The following ATP11C variants were observed in gnomAD, a reference collection of about 807,000 sequenced individuals.
ATP11C encodes the protein ATPase phospholipid transporting 11C (ATP11C blood group).
In ATP11C, 36 loss-of-function variants were observed where a neutral mutation model predicts 97.4. The observed-to-expected ratio is 0.37, with a 90% confidence interval of 0.28 to 0.49. ATP11C has a LOEUF of 0.49. Ranked by LOEUF, ATP11C falls within the 20% of genes least tolerant of loss-of-function variation. The pLI is 0.98. For synonymous variants in ATP11C, 275 were observed against 290.9 expected (o/e 0.95, Z 0.56); for missense variants, 730 against 824.6 (o/e 0.89, Z 1.40).
Position 139,750,085 on chromosome X carries a change from T to C in ATP11C, c.2768A>G (p.Tyr923Cys), listed in dbSNP as rs1336286564. 4.2e-6 allele frequency: 5 copies of C among 1,203,148 alleles called. No homozygotes were observed. Among genetic ancestry groups the C allele is most frequent in the Non-Finnish European group, 3.4e-6 (3 of 888,633 alleles). ...GTTGATGTGCTGTTCCAGTAGACTATAGGCCAGGATGGGCAAGGATGTGAA... is the reference window on the plus strand; with the variant it reads ...GTTGATGTGCTGTTCCAGTAGACTACAGGCCAGGATGGGCAAGGATGTGAA... ...ICFTSLPILAYSLLEQHINID... is the reference protein window; with the variant it reads ...ICFTSLPILACSLLEQHINID... The change falls in exon 24 of 30, where the codon TAT (tyrosine) becomes TGT (cysteine). Residue 923 changes from tyrosine (Y) to cysteine (C), a missense_variant. Transcript: ENST00000682941.
At chrX:139,892,152 C>T (rs1414757624) in intron 1 of ATP11C, among the ~76,000 whole-genome samples, 2 of 111,345 alleles carry the variant, frequency 1.8e-5, no homozygotes, top group African/African-American at 6.5e-5. Context: ...CTACTGCACC[C>T]GGCCTAGTAA....
intron 1 of ATP11C, among the ~76,000 whole-genome samples, chrX:139,883,618 G>A (rs1367065402): frequency 9.0e-6 from 1 of 111,193 alleles, no homozygotes; most frequent in African/African-American, 3.3e-5. Flanking sequence ...GTCCAATGAT[G>A]ATCTTTGGGA....
intron 18 of ATP11C, among the ~76,000 whole-genome samples, chrX:139,775,916 T>G: frequency 8.9e-6 from 1 of 112,523 alleles, no homozygotes; most frequent in Non-Finnish European, 1.9e-5. Flanking sequence ...TCCCTGCAAA[T>G]ATACTCCAAC....
At chrX:139,848,186 T>C (rs927094219) in intron 1 of ATP11C, among the ~76,000 whole-genome samples, 1 of 111,779 alleles carries the variant, frequency 8.9e-6, no homozygotes, top group African/African-American at 3.3e-5. Flanking sequence ...TTATTGCCCA[T>C]TGGCTGAAGA....
rs191712908 is a variant in ATP11C, at chrX:139,749,288, A to T, written c.2828+737T>A. ...GTAAATTTTATGAGTCATGCTGGTT[A>T]AAAAAAATCCCTTAAATTTGTGTAT... On this transcript the variant is annotated intron_variant, in intron 24 of 29. Coordinates refer to ENST00000682941, the MANE Select transcript of ATP11C (RefSeq NM_001353812.2). Among the ~76,000 whole-genome samples, 76 of 112,125 alleles carry T rather than the reference A, an allele frequency of 6.8e-4. 1 individual carries two copies. Among genetic ancestry groups the T allele is most frequent in the Non-Finnish European group, 1.3e-3 (68 of 53,133 alleles).
chrX:139,738,054 T>C lies in ATP11C; in HGVS notation c.3150A>G (p.Gln1050=), dbSNP rs781621410. The change falls in exon 28 of 30, where the codon CAA becomes CAG. Residue 1050 remains glutamine, a synonymous_variant. Coordinates refer to ENST00000682941, the MANE Select transcript of ATP11C (RefSeq NM_001353812.2). ...GGGCAAATACAAAATACATTCTCTG[T>C]TGCTTGAGAAAAGGCCTGCAGTGGA... The part of the protein sequence containing the change: ...WGGIIWPFLK[Q]QRMYFVFAQM... The C allele has an allele frequency of 2.5e-6, 3 of 1,197,705 alleles. No individual in the cohort carries two copies. Among genetic ancestry groups the C allele is most frequent in the Admixed American group, 4.5e-5 (2 of 44,229 alleles).
intron 1 of ATP11C, chrX:139,924,356 A>T: frequency 3.4e-6 from 1 of 292,668 alleles, no homozygotes; most frequent in Non-Finnish European, 7.2e-6. Flanking sequence ...AAAAGATGTG[A>T]TTGCTGGGAG....
chrX:139,727,682 C>A lies in ATP11C; in HGVS notation c.*1284G>T, dbSNP rs1411951355. The A allele has an allele frequency of 1.8e-5, 2 of 109,482 alleles. No individual in the cohort carries two copies. The highest frequency in any genetic ancestry group is 1.9e-5 in the Non-Finnish European group (1 of 52,249). The allele number at this position is 109,482 out of a possible 1,213,427, so 9.0% of individuals were successfully genotyped here. A position where few individuals can be genotyped will look rare whatever the true frequency, so the allele number is the denominator to read the frequency against. Reference sequence around the variant, plus strand: ...GAAAGACAAAAAAAAAACAAAAAAACTAGCAGTCAAATAAATATGGTCATT... The same window carrying A: ...GAAAGACAAAAAAAAAACAAAAAAAATAGCAGTCAAATAAATATGGTCATT... On this transcript the variant is annotated 3_prime_UTR_variant, in exon 30 of 30. Transcript: ENST00000682941.
chrX:139,811,311 T>C (rs1368754704), intron 5 of ATP11C, among the ~76,000 whole-genome samples: 3 of 111,242 alleles, frequency 2.7e-5, no homozygotes, highest in Non-Finnish European at 3.8e-5. Context: ...GACACCCAAA[T>C]TTCAACTTCT....
chrX:139,853,923 A>G (rs1014615898), intron 1 of ATP11C, among the ~76,000 whole-genome samples: 1 of 109,579 alleles, frequency 9.1e-6, no homozygotes, highest in African/African-American at 3.3e-5. Flanking sequence ...AGATGATTTA[A>G]CATTAACGAC....
At chrX:139,799,785 T>C (rs1348330360) in intron 8 of ATP11C, among the ~76,000 whole-genome samples, 1 of 107,179 alleles carries the variant, frequency 9.3e-6, no homozygotes, top group Non-Finnish European at 1.9e-5. Flanking sequence ...CCTGAGTAGT[T>C]GGGATTACAG....
At chrX:139,799,613 C>G (rs914384318) in intron 8 of ATP11C, among the ~76,000 whole-genome samples, 10 of 106,001 alleles carry the variant, frequency 9.4e-5, no homozygotes, top group Non-Finnish European at 1.9e-4. Flanking sequence ...CTACCAATCA[C>G]AAGGTTAGTT....
chrX:139,790,581 AGAAACT>A (rs1379681303), intron 12 of ATP11C, among the ~76,000 whole-genome samples: 2 of 111,396 alleles, frequency 1.8e-5, no homozygotes, highest in African/African-American at 6.5e-5. Context: ...AAAATAAAAC[AGAAACT>A]GATGAAGGTT....
chrX:139,844,831 T>C (rs984316881), intron 1 of ATP11C, among the ~76,000 whole-genome samples: 1 of 111,880 alleles, frequency 8.9e-6, no homozygotes, highest in Non-Finnish European at 1.9e-5. Context: ...CAGTTCCCCC[T>C]CTCTGAGTCT....
chrX:139,869,795 AAATAATAATAAT>A (rs35904908), intron 1 of ATP11C, among the ~76,000 whole-genome samples: 6 of 92,347 alleles, frequency 6.5e-5, no homozygotes, highest in Non-Finnish European at 2.1e-5. Context: ...CTCTGTCTCA[AAATAATAATAAT>A]AATAATAATA....
chrX:139,864,375 T>G (rs1569482220), intron 1 of ATP11C, among the ~76,000 whole-genome samples: 1 of 112,169 alleles, frequency 8.9e-6, no homozygotes, highest in Non-Finnish European at 1.9e-5. Flanking sequence ...AGCAAAAACC[T>G]GACAATAAGA....
intron 2 of ATP11C, among the ~76,000 whole-genome samples, chrX:139,820,803 A>T (rs1194139651): frequency 9.0e-6 from 1 of 111,507 alleles, no homozygotes; most frequent in East Asian, 2.8e-4. Context: ...AAATCATTGA[A>T]TTTTTCAGAT....
At chrX:139,865,088 T>C (rs754906778) in intron 1 of ATP11C, among the ~76,000 whole-genome samples, 4 of 112,309 alleles carry the variant, frequency 3.6e-5, no homozygotes, top group Non-Finnish European at 7.5e-5. Context: ...TTGTCTAAAA[T>C]GTTTAAGGCC....
intron 20 of ATP11C, among the ~76,000 whole-genome samples, chrX:139,766,625 C>T (rs2082143560): frequency 1.8e-5 from 2 of 110,671 alleles, no homozygotes; most frequent in Non-Finnish European, 3.8e-5. Flanking sequence ...TGTGTGTGTG[C>T]GCGCGCACAG....
Sources: allele counts gnomAD v4.1 joint callset (sites outside exome capture counted in the v4.1 genomes callset), GRCh38; gene constraint gnomAD v4.1.1; transcripts MANE v1.5; gene names NCBI Gene and HGNC (gene_info 2026-07-23, HGNC 2026-07-21).